Variants in ZNF385D observed in about 807,000 individuals in gnomAD.
ZNF385D encodes the protein zinc finger protein 659.
ZNF385D carries 15 observed loss-of-function variants against 35.8 expected under a neutral mutation model. That is an observed-to-expected ratio of 0.42 (90% CI 0.28 to 0.64). ZNF385D has a LOEUF of 0.64. Ranked by LOEUF, ZNF385D falls within the 30% of genes least tolerant of loss-of-function variation. The probability of loss-of-function intolerance (pLI) is 0.23; values close to 1 mark genes in which losing one functional copy is unlikely to be tolerated. For missense variants in ZNF385D, 474 were observed against 494.6 expected, an observed-to-expected ratio of 0.96 and a Z score of 0.39; for synonymous variants, 212 against 186.8, an observed-to-expected ratio of 1.13 and a Z score of -1.10.
intron 3 of ZNF385D, among the ~76,000 whole-genome samples, chr3:21,778,642 C>G (rs2071382713): frequency 6.6e-6 from 1 of 151,842 alleles, no homozygotes; most frequent in Admixed American, 6.6e-5. Context: ...CATCACATAT[C>G]TTTATATCAC....
Position 21,791,789 on chromosome 3 carries a change from T to C in ZNF385D, c.326-126761A>G, listed in dbSNP as rs549785656. ...CTCACTCTGTCATCAGGCTGGAGTG[T>C]AGTGGCGCGATCTCGGCTCACTGCA... is the stretch of plus-strand genomic sequence containing the variant. On this transcript the variant is annotated intron_variant, in intron 3 of 5. Coordinates refer to the ZNF385D transcript ENST00000494108. Among the ~76,000 whole-genome samples the C allele has an allele frequency of 1.8e-4, 28 of 152,294 alleles. No individual in the cohort carries two copies. The South Asian group carries it at 5.4e-3, about 29-fold the overall frequency.
At chr3:22,213,708 G>T (rs893824499) in intron 2 of ZNF385D, among the ~76,000 whole-genome samples, 1 of 151,942 alleles carries the variant, frequency 6.6e-6, no homozygotes, top group African/African-American at 2.4e-5. Context: ...AAAGTTTGAG[G>T]ACAAATTTTC....
chr3:21,621,886 T>C lies in ZNF385D; in HGVS notation c.165+43000A>G, dbSNP rs547457888. On this transcript the variant is annotated intron_variant, in intron 2 of 7. Transcript: ENST00000281523. ...ACCACTGTGTGTGTGTGTGTGTGTG[T>C]GTGTGTGTGCGTGCACGCACGTGTG... is the stretch of plus-strand genomic sequence containing the variant. 5.3e-5 allele frequency among the ~76,000 whole-genome samples: 8 copies of C among 152,158 alleles called. No individual in the cohort carries two copies. The South Asian group carries it at 1.4e-3, about 28-fold the overall frequency.
intron 2 of ZNF385D, among the ~76,000 whole-genome samples, chr3:21,610,497 G>A (rs1489198422): frequency 1.3e-5 from 2 of 152,130 alleles, no homozygotes; most frequent in African/African-American, 2.4e-5. Flanking sequence ...TTGGCCGGGC[G>A]CGGTGGCTCA....
At position 21,910,610 on chromosome 3, in the gene ZNF385D, C is replaced by T. The variant is rs140703863; in HGVS notation, c.326-245582G>A. Among the ~76,000 whole-genome samples, 214 of 151,808 alleles carry T rather than the reference C, an allele frequency of 1.4e-3. 2 individuals carry two copies. Among genetic ancestry groups the T allele is most frequent in the African/African-American group, 5.0e-3 (206 of 41,432 alleles). On this transcript the variant is annotated intron_variant, in intron 3 of 5. Coordinates refer to the ZNF385D transcript ENST00000494108. Reference sequence around the variant, plus strand: ...GGCAAACCAAAACCTATTCAGAGACCTATAATCGTTGTATCTCATGTATAA... The same window carrying T: ...GGCAAACCAAAACCTATTCAGAGACTTATAATCGTTGTATCTCATGTATAA...
intron 3 of ZNF385D, among the ~76,000 whole-genome samples, chr3:22,010,169 G>C (rs1040529476): frequency 6.6e-6 from 1 of 152,056 alleles, no homozygotes; most frequent in African/African-American, 2.4e-5. Context: ...TATGAAAAAA[G>C]TATATGTTTT....
At chr3:21,839,957 A>C (rs71310289) in intron 3 of ZNF385D, among the ~76,000 whole-genome samples, 280 of 152,172 alleles carry the variant, frequency 1.8e-3, no homozygotes, top group Middle Eastern at 3.4e-3. Flanking sequence ...TTATGTTCAG[A>C]TAAACATGTT....
rs371508819 is a variant in ZNF385D, at chr3:22,184,635, G to T, written c.107-15600C>A. Among the ~76,000 whole-genome samples, 7 of 152,236 alleles carry T rather than the reference G, an allele frequency of 4.6e-5. No homozygotes were observed. The South Asian group carries it at 1.4e-3, about 32-fold the overall frequency. ...GAGGTCAGGAATTCGAGACCAGACT[G>T]TCCAACATGGTGAAACCCTGTCTCT... is the stretch of plus-strand genomic sequence containing the variant. On this transcript the variant is annotated intron_variant, in intron 2 of 5. Coordinates refer to the ZNF385D transcript ENST00000494108.
chr3:21,951,845 G>T (rs1236851269), intron 3 of ZNF385D, among the ~76,000 whole-genome samples: 4 of 151,372 alleles, frequency 2.6e-5, no homozygotes, highest in Non-Finnish European at 5.9e-5. Context: ...CTTTTATTTA[G>T]CCCCTGGAAA....
At chr3:22,041,270 T>G (rs1450477981) in intron 3 of ZNF385D, among the ~76,000 whole-genome samples, 2 of 152,140 alleles carry the variant, frequency 1.3e-5, no homozygotes, top group African/African-American at 2.4e-5. Flanking sequence ...AAATAGGCCA[T>G]GTGTTCACAT....
intron 1 of ZNF385D, among the ~76,000 whole-genome samples, chr3:21,749,758 A>T (rs575691013): frequency 6.6e-6 from 1 of 152,324 alleles, no homozygotes; most frequent in South Asian, 2.1e-4. Context: ...TAGCTTTTGG[A>T]ACTTAGATTC....
chr3:22,266,410 A>T (rs746652594), intron 2 of ZNF385D, among the ~76,000 whole-genome samples: 8 of 151,966 alleles, frequency 5.3e-5, no homozygotes, highest in Non-Finnish European at 1.2e-4. Flanking sequence ...AAGTAAAACC[A>T]GCGGGTAAGA....
At chr3:21,686,543 AAT>A (rs1202679462) in intron 1 of ZNF385D, among the ~76,000 whole-genome samples, 1 of 152,176 alleles carries the variant, frequency 6.6e-6, no homozygotes, top group African/African-American at 2.4e-5. Context: ...TTAATTTAAT[AAT>A]ATATATTTTA....
At chr3:21,479,318 G>C (rs1009818667) in intron 4 of ZNF385D, among the ~76,000 whole-genome samples, 2 of 151,806 alleles carry the variant, frequency 1.3e-5, no homozygotes, top group African/African-American at 4.8e-5. Context: ...TCTCAGAACT[G>C]ATCCATAATT....
At chr3:22,285,383 T>G (rs897946251) in intron 2 of ZNF385D, among the ~76,000 whole-genome samples, 4 of 152,172 alleles carry the variant, frequency 2.6e-5, no homozygotes, top group African/African-American at 9.6e-5. Context: ...AAATATTTAT[T>G]TTTCATTTAG....
intron 3 of ZNF385D, among the ~76,000 whole-genome samples, chr3:21,936,445 C>A (rs1559770388): frequency 6.6e-6 from 1 of 151,828 alleles, no homozygotes; most frequent in Non-Finnish European, 1.5e-5. Flanking sequence ...GCTTTTTCAC[C>A]AATACTATTT....
chr3:21,838,687 G>C (rs1322596182), intron 3 of ZNF385D, among the ~76,000 whole-genome samples: 1 of 152,014 alleles, frequency 6.6e-6, no homozygotes, highest in Non-Finnish European at 1.5e-5. Flanking sequence ...ATGAGCCCTA[G>C]CTAGAAACCC....
chr3:21,613,901 C>T (rs991465371), intron 2 of ZNF385D, among the ~76,000 whole-genome samples: 4 of 152,126 alleles, frequency 2.6e-5, no homozygotes, highest in African/African-American at 4.8e-5. Flanking sequence ...GAACAAATTG[C>T]TATATGAGTT....
At chr3:21,982,496 G>T (rs1292820610) in intron 3 of ZNF385D, among the ~76,000 whole-genome samples, 1 of 152,010 alleles carries the variant, frequency 6.6e-6, no homozygotes, top group Non-Finnish European at 1.5e-5. Context: ...GAGACTATGA[G>T]GTTTTCTAGA....
Sources: gnomAD v4.1 joint callset for allele counts (sites outside exome capture counted in the v4.1 genomes callset) on GRCh38, gnomAD v4.1.1 for gene constraint, MANE v1.5 for transcripts, NCBI Gene and HGNC (gene_info 2026-07-23, HGNC 2026-07-21) for gene names.